The following GTF2A1L variants were observed in gnomAD, a reference collection of about 807,000 sequenced individuals.
The protein encoded by GTF2A1L is general transcription factor IIA subunit 1 like.
A neutral mutation model predicts 49.7 loss-of-function variants in GTF2A1L; 48 were observed. The observed-to-expected ratio is 0.97, with a 90% confidence interval of 0.77 to 1.23. The LOEUF is 1.23. Ranked by LOEUF, GTF2A1L falls within the 50% of genes most tolerant of loss-of-function variation. The probability of loss-of-function intolerance (pLI) is 0.00; values close to 1 mark genes in which losing one functional copy is unlikely to be tolerated. For missense variants in GTF2A1L, 736 were observed against 564.8 expected, an observed-to-expected ratio of 1.30 and a Z score of -3.07; for synonymous variants, 246 against 193.5, an observed-to-expected ratio of 1.27 and a Z score of -2.25.
At chr2:48,661,247 C>CTTT (rs70946820) in intron 6 of GTF2A1L, among the ~76,000 whole-genome samples, 871 of 62,714 alleles carry the variant, frequency 0.014, 232 homozygotes, top group African/African-American at 0.029. Context: ...CATCCCCAAA[C>CTTT]TTTTTTTTTT....
At chr2:48,622,074 A>G (rs1226189731) in intron 3 of GTF2A1L, among the ~76,000 whole-genome samples, 1 of 152,208 alleles carries the variant, frequency 6.6e-6, no homozygotes, top group African/African-American at 2.4e-5. Context: ...AAGTGAGGGT[A>G]GATTTTGGAT....
chr2:48,674,798 T>C (rs1679377332), intron 8 of GTF2A1L, among the ~76,000 whole-genome samples: 2 of 152,176 alleles, frequency 1.3e-5, no homozygotes, highest in Admixed American at 6.5e-5. Flanking sequence ...ATATTATCTT[T>C]TGTTTCTTAT....
At chr2:48,619,022 G>C (rs2104042553) in intron 1 of GTF2A1L, among the ~76,000 whole-genome samples, 1 of 152,236 alleles carries the variant, frequency 6.6e-6, no homozygotes, top group Non-Finnish European at 1.5e-5. Flanking sequence ...GCCTTTATCA[G>C]GATAAACTGT....
rs1389828204 is a variant in GTF2A1L at position 48,646,681 on chromosome 2, A to G, written c.617A>G (p.Asp206Gly). 4.3e-6 allele frequency: 7 copies of G among 1,614,162 alleles called. No homozygotes were observed. The highest frequency in any genetic ancestry group is 5.9e-6 in the Non-Finnish European group (7 of 1,180,012). ...GCAATTCTACCTTCTGGGCCAGTAG[A>G]TAGGAAACACTTAGAAAATGCCACC... ...QPAILPSGPV[D>G]RKHLENATSD... Residue 206 changes from aspartate to glycine, a missense_variant, in exon 6 of 9, where the codon GAT becomes GGT. Asp to Gly is a moderately conservative substitution (Grantham distance 94, BLOSUM62 -1). Coordinates refer to ENST00000403751, the MANE Select transcript of GTF2A1L (RefSeq NM_006872.5).
chr2:48,674,228 G>A (rs1399405954), intron 8 of GTF2A1L, among the ~76,000 whole-genome samples: 1 of 152,142 alleles, frequency 6.6e-6, no homozygotes, highest in Non-Finnish European at 1.5e-5. Flanking sequence ...AGCAGTGTTC[G>A]AGGGTTTCAA....
chr2:48,653,419 C>T (rs1572744272), intron 6 of GTF2A1L, among the ~76,000 whole-genome samples: 1 of 152,132 alleles, frequency 6.6e-6, no homozygotes, highest in Non-Finnish European at 1.5e-5. Context: ...AGTCAATACC[C>T]TCTTTCAACC....
intron 3 of GTF2A1L, among the ~76,000 whole-genome samples, chr2:48,638,259 CTG>C (rs926175881): frequency 3.9e-5 from 6 of 152,154 alleles, no homozygotes; most frequent in African/African-American, 1.4e-4. Context: ...ATACCAAAGC[CTG>C]GGAGAGACAC....
intron 1 of GTF2A1L, among the ~76,000 whole-genome samples, chr2:48,618,655 ATGTGTTTTATGATAG>A (rs1675797399): frequency 6.6e-6 from 1 of 152,218 alleles, no homozygotes; most frequent in African/African-American, 2.4e-5. Flanking sequence ...CTTTAATTAT[ATGTGTTTTATGATAG>A]TGCGTTTTAA....
chr2:48,657,023 A>G (rs996450464), intron 6 of GTF2A1L, among the ~76,000 whole-genome samples: 7 of 152,106 alleles, frequency 4.6e-5, no homozygotes, highest in African/African-American at 1.7e-4. Context: ...TGTTGCTGGG[A>G]TCTTTATTTT....
At chr2:48,641,173 C>A (rs1176815321) in intron 3 of GTF2A1L, among the ~76,000 whole-genome samples, 1 of 152,184 alleles carries the variant, frequency 6.6e-6, no homozygotes, top group East Asian at 1.9e-4. Context: ...ACTTAAGCTG[C>A]AGCAGCTTAA....
In GTF2A1L at chr2:48,625,696, C is replaced by A. The variant is rs571622963; in HGVS notation, c.247+4406C>A. Among the ~76,000 whole-genome samples the A allele has an allele frequency of 2.1e-5, 3 of 143,058 alleles. No homozygotes were observed. The South Asian group carries it at 7.2e-4, about 34-fold the overall frequency. 93.9% of individuals were successfully genotyped at this position (143,058 alleles called of 152,430 possible). A position where few individuals can be genotyped will look rare whatever the true frequency, so the allele number is the denominator to read the frequency against. On this transcript the variant is annotated intron_variant, in intron 3 of 8. Transcript: ENST00000403751. ...TTTCCAGGGTCAATTGATCCTCTCA[C>A]CTCGACTTCATGAGTAACTGGGACT...
intron 3 of GTF2A1L, 72 bp downstream of exon 3, chr2:48,621,362 T>G: frequency 6.2e-7 from 1 of 1,603,970 alleles, no homozygotes; most frequent in Non-Finnish European, 8.5e-7. Flanking sequence ...TGTTTTTCAG[T>G]TAGACAGGGT....
intron 6 of GTF2A1L, among the ~76,000 whole-genome samples, chr2:48,655,538 G>A (rs2104245757): frequency 6.6e-6 from 1 of 151,994 alleles, no homozygotes; most frequent in African/African-American, 2.4e-5. Context: ...AATTTCTAAG[G>A]CATTTGAAGT....
rs751067022 is a variant in GTF2A1L, at chr2:48,646,910, C to A, written c.846C>A (p.Ser282Arg). 3 of 1,614,178 alleles carry A rather than the reference C, an allele frequency of 1.9e-6. No homozygotes were observed. The highest frequency in any genetic ancestry group is 1.1e-5 in the South Asian group (1 of 91,082). ...TGCATGATGAGTCCCTCTCCACAAG[C>A]CCTCATGGGGCTCTCCACCAGCACG... Reference protein sequence around the residue: ...QNLHDESLSTSPHGALHQHVT... With the variant: ...QNLHDESLSTRPHGALHQHVT... The change falls in exon 6 of 9, where the codon AGC becomes AGA. Residue 282 changes from serine to arginine, a missense_variant. By Grantham distance (110) the Ser-to-Arg change is moderately radical. Transcript: ENST00000403751.
chr2:48,672,401 T>C (rs1679221198), intron 8 of GTF2A1L, among the ~76,000 whole-genome samples: 1 of 152,180 alleles, frequency 6.6e-6, no homozygotes, highest in Admixed American at 6.5e-5. Flanking sequence ...CTGAACTTGG[T>C]CTGAGGGACA....
At chr2:48,644,488 T>G (rs1677382084) in intron 4 of GTF2A1L, among the ~76,000 whole-genome samples, 4 of 152,228 alleles carry the variant, frequency 2.6e-5, no homozygotes, top group Admixed American at 2.6e-4. Flanking sequence ...AATATAGTAT[T>G]CTATTGATTA....
chr2:48,642,827 G>T (rs1426085659), intron 4 of GTF2A1L, among the ~76,000 whole-genome samples: 1 of 150,558 alleles, frequency 6.6e-6, no homozygotes, highest in Non-Finnish European at 1.5e-5. Flanking sequence ...TTGCACTCCA[G>T]CGTGGGTGAC....
At chr2:48,643,259 A>G (rs969942557) in intron 4 of GTF2A1L, among the ~76,000 whole-genome samples, 24 of 152,224 alleles carry the variant, frequency 1.6e-4, no homozygotes, top group African/African-American at 5.8e-4. Flanking sequence ...AGATACATTT[A>G]CAAGTTAACA....
intron 6 of GTF2A1L, among the ~76,000 whole-genome samples, chr2:48,650,145 C>G (rs1011496363): frequency 1.3e-5 from 2 of 152,160 alleles, no homozygotes; most frequent in Non-Finnish European, 2.9e-5. Context: ...GATATGTTCT[C>G]TTTGCATTGA....
Sources: gnomAD v4.1 joint callset for allele counts (sites outside exome capture counted in the v4.1 genomes callset) on GRCh38, gnomAD v4.1.1 for gene constraint, MANE v1.5 for transcripts, NCBI Gene and HGNC (gene_info 2026-07-23, HGNC 2026-07-21) for gene names.